RSU1: variants seen among roughly 807,000 people sequenced by gnomAD.
RSU1 encodes the protein Ras suppressor protein 1.
Under a neutral mutation model 31.1 loss-of-function variants are expected in RSU1, and 26 were observed. That is an observed-to-expected ratio of 0.84 (90% CI 0.61 to 1.16). RSU1 has a LOEUF of 1.16. Ranked by LOEUF, RSU1 falls within the 50% of genes most tolerant of loss-of-function variation. RSU1 has a pLI of 0.00. For missense variants in RSU1, 320 were observed against 339.1 expected (o/e 0.94, Z 0.44); for synonymous variants, 164 against 136.3 (o/e 1.20, Z -1.41).
intron 8 of RSU1, among the ~76,000 whole-genome samples, chr10:16,593,766 TCTGGA>T (rs1174464005): frequency 6.6e-6 from 1 of 152,204 alleles, no homozygotes; most frequent in East Asian, 1.9e-4. Flanking sequence ...GCTCAGCCGT[TCTGGA>T]CTGAAGTTCA....
At chr10:16,594,733 T>C (rs1005797798) in intron 8 of RSU1, among the ~76,000 whole-genome samples, 17 of 146,342 alleles carry the variant, frequency 1.2e-4, no homozygotes, top group Non-Finnish European at 2.1e-4. Context: ...AGATAATATA[T>C]CATATATATC....
intron 3 of RSU1, among the ~76,000 whole-genome samples, chr10:16,773,827 C>T (rs1366139458): frequency 6.6e-6 from 1 of 152,060 alleles, no homozygotes; most frequent in African/African-American, 2.4e-5. Context: ...GAGCATTCAT[C>T]TCAACTTTCT....
chr10:16,657,657 G>T (rs1834810818), intron 8 of RSU1, among the ~76,000 whole-genome samples: 1 of 151,898 alleles, frequency 6.6e-6, no homozygotes, highest in African/African-American at 2.4e-5. Flanking sequence ...TGCCCCGGAG[G>T]TTATGCCTCC....
intron 8 of RSU1, among the ~76,000 whole-genome samples, chr10:16,624,672 T>C (rs537106073): frequency 1.2e-4 from 19 of 152,328 alleles, no homozygotes; most frequent in African/African-American, 4.3e-4. Flanking sequence ...GTGAAAATGC[T>C]TTGACCTCTC....
intron 8 of RSU1, among the ~76,000 whole-genome samples, chr10:16,644,042 C>A (rs1003071215): frequency 1.3e-5 from 2 of 151,676 alleles, no homozygotes; most frequent in African/African-American, 4.9e-5. Context: ...TGCAAATACA[C>A]CATTTTATTT....
chr10:16,781,901 C>A, intron 3 of RSU1, 133 bp downstream of exon 3: 1 of 726,784 alleles, frequency 1.4e-6, no homozygotes, highest in Non-Finnish European at 2.3e-6. Context: ...ATCTTAGTGT[C>A]ACCAAAGTAA....
At chr10:16,659,103 T>C (rs1834839706) in intron 8 of RSU1, among the ~76,000 whole-genome samples, 1 of 152,242 alleles carries the variant, frequency 6.6e-6, no homozygotes. Flanking sequence ...ATGTTTTAGA[T>C]ACTAATCGGC....
intron 7 of RSU1, among the ~76,000 whole-genome samples, chr10:16,747,531 C>T (rs1178873984): frequency 6.6e-6 from 1 of 152,174 alleles, no homozygotes; most frequent in East Asian, 1.9e-4. Flanking sequence ...CTCATCTAAA[C>T]TGTCACCAAT....
intron 3 of RSU1, among the ~76,000 whole-genome samples, chr10:16,766,165 C>T (rs1324136739): frequency 6.6e-6 from 1 of 152,174 alleles, no homozygotes; most frequent in East Asian, 1.9e-4. Context: ...CTGGGGCACA[C>T]GGGCAGGGAG....
intron 8 of RSU1, among the ~76,000 whole-genome samples, chr10:16,685,525 T>G (rs1835425283): frequency 6.6e-6 from 1 of 152,076 alleles, no homozygotes; most frequent in Admixed American, 6.5e-5. Flanking sequence ...ATTCCTCTCC[T>G]TTCTAGACCA....
intron 7 of RSU1, among the ~76,000 whole-genome samples, chr10:16,743,693 A>G (rs1836794126): frequency 6.6e-6 from 1 of 152,214 alleles, no homozygotes; most frequent in African/African-American, 2.4e-5. Flanking sequence ...TTCTGTTAAC[A>G]ACATAAAGCT....
chr10:16,719,450 C>T (rs956600244), intron 7 of RSU1, among the ~76,000 whole-genome samples: 2 of 152,202 alleles, frequency 1.3e-5, no homozygotes, highest in African/African-American at 4.8e-5. Flanking sequence ...CGCGCTTCTT[C>T]ACCTACCCAA....
intron 2 of RSU1, among the ~76,000 whole-genome samples, chr10:16,811,580 G>C (rs1374513855): frequency 6.6e-6 from 1 of 152,202 alleles, no homozygotes; most frequent in African/African-American, 2.4e-5. Context: ...CAGAATGTCA[G>C]AGGACTGACA....
intron 7 of RSU1, among the ~76,000 whole-genome samples, chr10:16,698,150 AG>A (rs2131566113): frequency 6.6e-6 from 1 of 152,074 alleles, no homozygotes; most frequent in African/African-American, 2.4e-5. Context: ...GGATCCGGGA[AG>A]GATGACACAC....
chr10:16,687,714 A>AATT (rs149083342), intron 8 of RSU1, among the ~76,000 whole-genome samples: 3,072 of 151,708 alleles, frequency 0.02, 85 homozygotes, highest in African/African-American at 0.065. Flanking sequence ...CAAAAAATCA[A>AATT]ATTATTATTA....
intron 7 of RSU1, among the ~76,000 whole-genome samples, chr10:16,739,723 T>C (rs1247753984): frequency 6.6e-6 from 1 of 152,122 alleles, no homozygotes; most frequent in East Asian, 1.9e-4. Context: ...GCAATTCTCC[T>C]GCCTCAGCCT....
chr10:16,650,577 T>G lies in RSU1; in HGVS notation c.731+44446A>C, dbSNP rs963610346. Among the ~76,000 whole-genome samples, 9 of 49,806 alleles carry G rather than the reference T, an allele frequency of 1.8e-4. No individual in the cohort carries two copies. In the East Asian group the frequency reaches 4.3e-3, roughly 24 times the overall value. 32.7% of individuals were successfully genotyped at this position (49,806 alleles called of 152,430 possible). On this transcript the variant is annotated intron_variant, in intron 8 of 8. Transcript: ENST00000345264. ...GCACTAATAAGGAGTCCTGAAAAGC[T>G]TTTTTTTTTTTTTTTTTTGTGAGAC...
intron 7 of RSU1, among the ~76,000 whole-genome samples, chr10:16,696,733 A>C (rs1043172132): frequency 6.6e-6 from 1 of 152,212 alleles, no homozygotes; most frequent in African/African-American, 2.4e-5. Context: ...CTAAACCATG[A>C]GTCAGAAAGC....
Position 16,817,357 on chromosome 10 carries a change from C to A in RSU1, c.-46G>T, listed in dbSNP as rs1022413361. The stretch of plus-strand genomic sequence containing the variant: ...AAGACGATGGGCGTGCAACCACAAG[C>A]TTCGGCAGAACGCACTCCAGCTGCC... On this transcript the variant is annotated 5_prime_UTR_variant, in exon 1 of 9. Transcript: ENST00000345264. 3.3e-5 allele frequency: 14 copies of A among 418,954 alleles called. No individual in the cohort carries two copies. The highest frequency in any genetic ancestry group is 6.1e-5 in the Non-Finnish European group (14 of 228,026). The allele number at this position is 418,954 out of a possible 1,614,324, so 26.0% of individuals were successfully genotyped here.
Sources: allele counts gnomAD v4.1 joint callset (sites outside exome capture counted in the v4.1 genomes callset), GRCh38; gene constraint gnomAD v4.1.1; transcripts MANE v1.5; gene names NCBI Gene and HGNC (gene_info 2026-07-23, HGNC 2026-07-21).